The following JAZF1 variants were observed in gnomAD, a reference collection of about 807,000 sequenced individuals.
JAZF1 encodes juxtaposed with another zinc finger protein 1.
A neutral mutation model predicts 26.4 loss-of-function variants in JAZF1; 8 were observed. That is an observed-to-expected ratio of 0.30 (90% CI 0.18 to 0.55). JAZF1 has a LOEUF of 0.55. Ranked by LOEUF, JAZF1 falls within the 20% of genes least tolerant of loss-of-function variation. JAZF1 has a pLI of 0.94. For missense variants in JAZF1, 199 were observed against 322.0 expected (o/e 0.62, Z 2.92); for synonymous variants, 126 against 122.3 (o/e 1.03, Z -0.20).
intron 1 of JAZF1, among the ~76,000 whole-genome samples, chr7:28,017,805 G>A (rs767978055): frequency 2.0e-5 from 3 of 152,122 alleles, no homozygotes. Context: ...ACAGAGTCTC[G>A]TTCTGTTGCC....
At chr7:28,076,729 A>C (rs1392355516) in intron 1 of JAZF1, among the ~76,000 whole-genome samples, 2 of 151,118 alleles carry the variant, frequency 1.3e-5, no homozygotes, top group African/African-American at 4.9e-5. Flanking sequence ...AAAAAAAAAA[A>C]ATCCCGTGTG....
At position 28,052,886 on chromosome 7, in the gene JAZF1, A is replaced by G. The variant is rs185782632; in HGVS notation, c.116-60905T>C. Among the ~76,000 whole-genome samples the G allele has an allele frequency of 1.1e-4, 16 of 152,186 alleles. No individual in the cohort carries two copies. In the East Asian group the frequency reaches 3.1e-3, roughly 29 times the overall value. ...TTTACCATCTTAACCACTTTTAAGT[A>G]TATAGTTCAGCAGTGTTATGTATGT... On this transcript the variant is annotated intron_variant, in intron 1 of 4. Coordinates refer to ENST00000283928, the MANE Select transcript of JAZF1 (RefSeq NM_175061.4).
chr7:27,934,940 G>A (rs1054181405), intron 2 of JAZF1, among the ~76,000 whole-genome samples: 1 of 152,152 alleles, frequency 6.6e-6, no homozygotes, highest in African/African-American at 2.4e-5. Flanking sequence ...GAACATATTT[G>A]CAAATTTTAT....
chr7:27,908,299 T>A (rs1784297941), intron 2 of JAZF1, among the ~76,000 whole-genome samples: 1 of 152,216 alleles, frequency 6.6e-6, no homozygotes, highest in East Asian at 1.9e-4. Context: ...TACAGCACTT[T>A]TTCTTAAATG....
At chr7:28,019,189 A>G (rs771140616) in intron 1 of JAZF1, among the ~76,000 whole-genome samples, 2 of 152,184 alleles carry the variant, frequency 1.3e-5, no homozygotes, top group Non-Finnish European at 2.9e-5. Flanking sequence ...TTCCAGAAGC[A>G]AAGCCATTCT....
At chr7:27,985,499 T>C (rs1301173839) in intron 2 of JAZF1, among the ~76,000 whole-genome samples, 1 of 152,186 alleles carries the variant, frequency 6.6e-6, no homozygotes, top group Non-Finnish European at 1.5e-5. Flanking sequence ...ACCAGACAGA[T>C]TCACAGCTGA....
chr7:28,076,747 G>A (rs1784057861), intron 1 of JAZF1, among the ~76,000 whole-genome samples: 1 of 150,192 alleles, frequency 6.7e-6, no homozygotes, highest in Non-Finnish European at 1.5e-5. Context: ...GTGGAAATGA[G>A]TAAGTTAATA....
At chr7:27,984,091 C>A (rs1387080102) in intron 2 of JAZF1, among the ~76,000 whole-genome samples, 1 of 152,208 alleles carries the variant, frequency 6.6e-6, no homozygotes. Context: ...ATCAAATTCA[C>A]ACATAACAGT....
At chr7:28,169,582 A>G (rs2127954070) in intron 1 of JAZF1, among the ~76,000 whole-genome samples, 1 of 152,338 alleles carries the variant, frequency 6.6e-6, no homozygotes, top group African/African-American at 2.4e-5. Context: ...CAATGAGGAC[A>G]AGAGAGGCCT....
At chr7:27,877,014 G>C (rs1318334826) in intron 3 of JAZF1, among the ~76,000 whole-genome samples, 2 of 152,192 alleles carry the variant, frequency 1.3e-5, no homozygotes, top group Admixed American at 1.3e-4. Context: ...TGCTCCTTGG[G>C]GAGGTTACTG....
rs112759592 is a variant in JAZF1, at chr7:27,836,023, G to A, written c.556-3047C>T. Among the ~76,000 whole-genome samples the A allele has an allele frequency of 2.0e-5, 3 of 152,134 alleles. No homozygotes were observed. The East Asian group carries it at 5.8e-4, about 29-fold the overall frequency. On this transcript the variant is annotated intron_variant, in intron 4 of 4. Transcript: ENST00000283928. ...GATGAGAGAATTGACTCCTAGAGAA[G>A]GTGAGTGACTTGGCCAAGATCACAT...
intron 2 of JAZF1, among the ~76,000 whole-genome samples, chr7:27,929,451 A>G (rs898795275): frequency 7.2e-5 from 11 of 152,104 alleles, no homozygotes; most frequent in Admixed American, 1.3e-4. Context: ...TTCAATGAAA[A>G]CCTTCACTAC....
At position 28,006,935 on chromosome 7, in the gene JAZF1, C is replaced by T. The variant is rs1228174229; in HGVS notation, c.116-14954G>A. 3.3e-5 allele frequency among the ~76,000 whole-genome samples: 5 copies of T among 152,164 alleles called. No homozygotes were observed. In the East Asian group the frequency reaches 9.6e-4, roughly 29 times the overall value. ...TTTTTTATGACAAAATTAAAATAAGCATTATGTAACTATTAGCATAAAACA... is the reference window on the plus strand; with the variant it reads ...TTTTTTATGACAAAATTAAAATAAGTATTATGTAACTATTAGCATAAAACA... On this transcript the variant is annotated intron_variant, in intron 1 of 4. Coordinates refer to ENST00000283928, the MANE Select transcript of JAZF1 (RefSeq NM_175061.4).
intron 1 of JAZF1, among the ~76,000 whole-genome samples, chr7:28,018,739 G>A (rs1420443297): frequency 2.0e-5 from 3 of 152,136 alleles, no homozygotes; most frequent in Non-Finnish European, 2.9e-5. Context: ...CTCCAGCATC[G>A]CAATTATAAA....
At chr7:27,991,590 A>C (rs1477399028) in intron 2 of JAZF1, among the ~76,000 whole-genome samples, 1 of 152,204 alleles carries the variant, frequency 6.6e-6, no homozygotes, top group African/African-American at 2.4e-5. Flanking sequence ...AGGATTTAAA[A>C]GGTTCACTCG....
Position 27,992,033 on chromosome 7 carries a change from T to G in JAZF1, c.116-52A>C, listed in dbSNP as rs778051978. 3.9e-6 allele frequency: 4 copies of G among 1,033,042 alleles called. No individual in the cohort carries two copies. The Admixed American group carries it at 6.8e-5, about 18-fold the overall frequency. 64.0% of individuals were successfully genotyped at this position (1,033,042 alleles called of 1,614,324 possible). A position where few individuals can be genotyped will look rare whatever the true frequency, so the allele number is the denominator to read the frequency against. On this transcript the variant is annotated intron_variant, in intron 1 of 4. Transcript: ENST00000283928. ...TTTTTAGATTTTGCATCAGAATATA[T>G]GAGGCTACCTAACACAAAGTAACAG...
intron 1 of JAZF1, among the ~76,000 whole-genome samples, chr7:28,011,568 T>G (rs1436623552): frequency 6.6e-6 from 1 of 152,214 alleles, no homozygotes; most frequent in East Asian, 1.9e-4. Context: ...ACGTCATCTT[T>G]GACCCTTATA....
At chr7:28,180,386 C>T in intron 1 of JAZF1, 77 bp downstream of exon 1, 1 of 1,205,094 alleles carries the variant, frequency 8.3e-7, no homozygotes, top group East Asian at 2.5e-5. Flanking sequence ...CCGGCCACCC[C>T]TGGCCATTCC....
At chr7:27,957,642 A>G (rs1022807656) in intron 2 of JAZF1, among the ~76,000 whole-genome samples, 2 of 152,218 alleles carry the variant, frequency 1.3e-5, no homozygotes, top group Non-Finnish European at 2.9e-5. Flanking sequence ...TCCTGTTTTA[A>G]GACACTATCT....
Sources: gnomAD v4.1 joint callset for allele counts (sites outside exome capture counted in the v4.1 genomes callset) on GRCh38, gnomAD v4.1.1 for gene constraint, MANE v1.5 for transcripts, NCBI Gene and HGNC (gene_info 2026-07-23, HGNC 2026-07-21) for gene names.